The following ACCSL variants were observed in gnomAD, a reference collection of about 807,000 sequenced individuals.
The protein encoded by ACCSL is 1-aminocyclopropane-1-carboxylate synthase homolog (inactive) like, also known as probable inactive 1-aminocyclopropane-1-carboxylate synthase-like protein 2.
A neutral mutation model predicts 61.7 loss-of-function variants in ACCSL; 55 were observed. That is an observed-to-expected ratio of 0.89 (90% CI 0.72 to 1.12). ACCSL has a LOEUF of 1.12. Ranked by LOEUF, ACCSL falls within the 50% of genes most tolerant of loss-of-function variation. ACCSL has a pLI of 0.00. For synonymous variants in ACCSL, 258 were observed against 264.3 expected (o/e 0.98, Z 0.23); for missense variants, 632 against 698.0 (o/e 0.91, Z 1.07).
At chr11:44,037,696 T>C in the ACCSL span, among the ~76,000 whole-genome samples, 4 of 152,238 alleles carry the variant, frequency 2.6e-5, no homozygotes, top group African/African-American at 9.6e-5. Context: ...CTGCAACTGA[T>C]TGATTTCTTC....
chr11:43,960,744 G>C, the ACCSL span, among the ~76,000 whole-genome samples: 2 of 152,256 alleles, frequency 1.3e-5, no homozygotes, highest in Non-Finnish European at 2.9e-5. Context: ...CCCAAAAGTT[G>C]TTTAAATGCT....
the ACCSL span, among the ~76,000 whole-genome samples, chr11:44,023,704 GT>G: frequency 0.22 from 32,822 of 149,128 alleles, 3,794 homozygotes; most frequent in East Asian, 0.31. Context: ...ATGAAGTTTG[GT>G]TTTAATTTTC....
At chr11:44,016,237 C>T in the ACCSL span, among the ~76,000 whole-genome samples, 1 of 152,186 alleles carries the variant, frequency 6.6e-6, no homozygotes, top group Non-Finnish European at 1.5e-5. Context: ...GTCAGGGACA[C>T]AGATCCTGCA....
At chr11:43,931,224 G>A in the ACCSL span, among the ~76,000 whole-genome samples, 11 of 152,338 alleles carry the variant, frequency 7.2e-5, no homozygotes, top group Non-Finnish European at 1.3e-4. Flanking sequence ...TGAGGCCTTC[G>A]AAGCCGCCTG....
the ACCSL span, among the ~76,000 whole-genome samples, chr11:44,029,613 C>T: frequency 6.6e-5 from 10 of 152,326 alleles, no homozygotes; most frequent in South Asian, 2.1e-3. Context: ...AAGCTACTCA[C>T]CCTTTCTGGA....
chr11:43,974,101 T>A, the ACCSL span: 1 of 152,248 alleles, frequency 6.6e-6, no homozygotes, highest in Non-Finnish European at 1.5e-5. Context: ...AATAAATATT[T>A]ATGAATGACT....
chr11:43,939,507 C>T, the ACCSL span, among the ~76,000 whole-genome samples: 1 of 152,168 alleles, frequency 6.6e-6, no homozygotes, highest in Non-Finnish European at 1.5e-5. Context: ...CCAGCAGACT[C>T]CACAACGGCC....
chr11:43,954,503 C>A, the ACCSL span, among the ~76,000 whole-genome samples: 3 of 152,076 alleles, frequency 2.0e-5, no homozygotes, highest in Non-Finnish European at 2.9e-5. Flanking sequence ...GCGAGAAAAT[C>A]TGGCCTCCCT....
chr11:44,011,782 G>A, the ACCSL span, among the ~76,000 whole-genome samples: 2 of 152,092 alleles, frequency 1.3e-5, no homozygotes, highest in Non-Finnish European at 2.9e-5. Flanking sequence ...GTGTGTTTGA[G>A]TATGTGTGGG....
At chr11:43,943,811 G>T in the ACCSL span, 4 of 1,302,702 alleles carry the variant, frequency 3.1e-6, no homozygotes, top group Non-Finnish European at 4.0e-6. The surrounding 1 kb of genome is among the most constrained non-coding windows in gnomAD (Gnocchi z 4.8). Flanking sequence ...TTTATTTAAC[G>T]ATCTTTTTAC....
the ACCSL span, chr11:43,944,174 T>C: frequency 1.6e-4 from 50 of 315,690 alleles, no homozygotes; most frequent in African/African-American, 9.7e-4. Flanking sequence ...GAGCTGACGA[T>C]GGAGAGCTCT....
At chr11:44,003,724 G>T in the ACCSL span, among the ~76,000 whole-genome samples, 35 of 151,818 alleles carry the variant, frequency 2.3e-4, no homozygotes, top group African/African-American at 8.2e-4. Flanking sequence ...CTATACAACC[G>T]AAATTCTATC....
chr11:43,924,090 G>A, the ACCSL span, among the ~76,000 whole-genome samples: 1 of 152,234 alleles, frequency 6.6e-6, no homozygotes, highest in Non-Finnish European at 1.5e-5. Flanking sequence ...AAGGAAAGGG[G>A]AAAGTGGGGA....
chr11:44,051,428 T>A, intron 4 of ACCSL, 24 bp downstream of exon 4: 1 of 1,613,726 alleles, frequency 6.2e-7, no homozygotes, highest in East Asian at 2.2e-5. Context: ...CCAGCCTTGC[T>A]GCCACCCTGG....
the ACCSL span, among the ~76,000 whole-genome samples, chr11:43,926,967 G>A: frequency 6.6e-6 from 1 of 152,200 alleles, no homozygotes; most frequent in African/African-American, 2.4e-5. Flanking sequence ...GCCTGGTCTG[G>A]AACTCCTGGG....
At chr11:44,053,796 A>G (rs1229560842) in intron 8 of ACCSL, among the ~76,000 whole-genome samples, 1 of 152,186 alleles carries the variant, frequency 6.6e-6, no homozygotes, top group Non-Finnish European at 1.5e-5. Context: ...CGGGAGGAGG[A>G]GGTTGCAGTG....
chr11:44,039,534 G>A, the ACCSL span, among the ~76,000 whole-genome samples: 1 of 152,132 alleles, frequency 6.6e-6, no homozygotes, highest in Non-Finnish European at 1.5e-5. Context: ...AGAGATAAAA[G>A]ACTATAAATT....
At chr11:43,955,275 T>C in the ACCSL span, among the ~76,000 whole-genome samples, 6 of 152,202 alleles carry the variant, frequency 3.9e-5, no homozygotes, top group Non-Finnish European at 8.8e-5. Flanking sequence ...ATTCCATTTG[T>C]GCTCCTATAA....
At chr11:44,015,208 A>G in the ACCSL span, among the ~76,000 whole-genome samples, 1 of 151,980 alleles carries the variant, frequency 6.6e-6, no homozygotes, top group Non-Finnish European at 1.5e-5. Context: ...TTCATGCATT[A>G]TATCACTGCT....
Sources: allele counts gnomAD v4.1 joint callset (sites outside exome capture counted in the v4.1 genomes callset), GRCh38; gene constraint gnomAD v4.1.1; non-coding constraint Gnocchi (gnomAD v3.1); transcripts MANE v1.5; gene names NCBI Gene and HGNC (gene_info 2026-07-23, HGNC 2026-07-21).